The following PPP2R5C variants were observed in gnomAD, a reference collection of about 807,000 sequenced individuals.
PPP2R5C encodes protein phosphatase 2 regulatory subunit B'gamma.
Under a neutral mutation model 68.9 loss-of-function variants are expected in PPP2R5C, and 7 were observed. The observed-to-expected ratio is 0.10, with a 90% CI of 0.06 to 0.19. The LOEUF (loss-of-function observed/expected upper bound fraction) is 0.19, where lower values mean the gene tolerates loss of function less well. Ranked by LOEUF, PPP2R5C falls within the 10% of genes least tolerant of loss-of-function variation. The pLI is 1.00. For synonymous variants in PPP2R5C, 210 were observed against 222.2 expected (o/e 0.95, Z 0.49); for missense variants, 348 against 641.3 (o/e 0.54, Z 4.94).
intron 1 of PPP2R5C, among the ~76,000 whole-genome samples, chr14:101,832,128 C>G (rs2040784765): frequency 6.6e-6 from 1 of 152,188 alleles, no homozygotes; most frequent in Admixed American, 6.5e-5. Flanking sequence ...AAGTGATTTT[C>G]TTGCTCCTCA....
rs80195911 is a variant in PPP2R5C at position 101,840,409 on chromosome 14, G to A, written c.95-16277G>A. Among the ~76,000 whole-genome samples the A allele has an allele frequency of 3.7e-3, 517 of 141,324 alleles. 5 individuals carry two copies. The highest frequency in any genetic ancestry group is 0.013 in the African/African-American group (487 of 37,032). The allele number at this position is 141,324 out of a possible 152,430, so 92.7% of individuals were successfully genotyped here. On this transcript the variant is annotated intron_variant, in intron 1 of 13. Transcript: ENST00000334743. The stretch of plus-strand genomic sequence containing the variant: ...GCAGCCAGCGTCTCTTGCCTTTTTC[G>A]TCCGCTTGCTGCTTTCTGGTTTTTA...
intron 2 of PPP2R5C, 111 bp downstream of exon 2, chr14:101,763,081 GT>G (rs142105397): frequency 1.3e-3 from 1,001 of 777,106 alleles, no homozygotes; most frequent in South Asian, 1.6e-3. Context: ...CCTATGTGAG[GT>G]TTTTTTTTTG....
chr14:101,926,113 T>C (rs1227241583), exon 14 of PPP2R5C: 3 of 152,294 alleles, frequency 2.0e-5, no homozygotes, highest in Non-Finnish European at 4.4e-5. Flanking sequence ...TCAACAAGGC[T>C]CTTGAATTAA....
chr14:101,894,452 C>G, intron 7 of PPP2R5C, 55 bp from the exon 10 acceptor site: 1 of 1,529,748 alleles, frequency 6.5e-7, no homozygotes, highest in Admixed American at 1.7e-5. Flanking sequence ...CTAGAAGAAG[C>G]ACAGCAGCAT....
In PPP2R5C at chr14:101,913,286, T is replaced by G. The variant is rs2046490412; in HGVS notation, c.1326+813T>G. 6.6e-6 allele frequency among the ~76,000 whole-genome samples: 1 copy of G among 152,244 alleles called. No individual in the cohort carries two copies. Among genetic ancestry groups the G allele is most frequent in the Admixed American group, 6.5e-5 (1 of 15,284 alleles). ...TTCCTTCAACTCTCCAGAAAAGATT[T>G]TACCGAACAATGTATTTCTTTTAGT... On this transcript the variant is annotated intron_variant, in intron 12 of 13. Transcript: ENST00000334743. This position sits in a 1 kb window ranked among gnomAD's most constrained non-coding sequence, Gnocchi z 4.1.
intron 2 of PPP2R5C, among the ~76,000 whole-genome samples, chr14:101,768,565 A>G (rs1249187654): frequency 1.3e-5 from 2 of 152,038 alleles, no homozygotes; most frequent in Non-Finnish European, 2.9e-5. Flanking sequence ...GTTTTTGCTA[A>G]TCTGTTTAAC....
At chr14:101,785,170 AG>A (rs1002973411) in intron 2 of PPP2R5C, among the ~76,000 whole-genome samples, 1 of 152,278 alleles carries the variant, frequency 6.6e-6, no homozygotes, top group Non-Finnish European at 1.5e-5. Flanking sequence ...CTGGGGCTCA[AG>A]GGGAGGCACT....
intron 2 of PPP2R5C, 63 bp downstream of exon 2, chr14:101,763,033 C>T: frequency 7.2e-7 from 1 of 1,386,186 alleles, no homozygotes; most frequent in Non-Finnish European, 1.0e-6. Flanking sequence ...GGTAGAAAAA[C>T]CGAGAGTGAT....
exon 14 of PPP2R5C, chr14:101,925,357 C>T: frequency 6.5e-7 from 1 of 1,532,794 alleles, no homozygotes; most frequent in Non-Finnish European, 8.8e-7. Flanking sequence ...CCATACCAAT[C>T]AGTTACACTC....
At chr14:101,922,094 G>C (rs2047037439) in intron 13 of PPP2R5C, 1 of 985,358 alleles carries the variant, frequency 1.0e-6, no homozygotes, top group Non-Finnish European at 1.2e-6. Flanking sequence ...TTGAAGGCCT[G>C]TTCTCCAGGA....
rs186448926 is a variant in PPP2R5C, at chr14:101,843,207, G to A, written c.95-13479G>A. 2.0e-5 allele frequency among the ~76,000 whole-genome samples: 3 copies of A among 152,276 alleles called. No homozygotes were observed. In the East Asian group the frequency reaches 5.8e-4, roughly 29 times the overall value. The stretch of plus-strand genomic sequence containing the variant: ...CACACCACTGCACTCCCGCCTGGGT[G>A]ACAGAGCAAGACCCTATCTAAAACA... On this transcript the variant is annotated intron_variant, in intron 1 of 13. Coordinates refer to ENST00000334743, the Ensembl canonical transcript of PPP2R5C.
chr14:101,781,416 C>T lies in PPP2R5C; in HGVS notation c.94-4602C>T, dbSNP rs1190304808. ...CTAGGCTGCCAAGGCGCGCTGTGCG[C>T]GTGGGGCCAGGCTCGACCTCACTCC... On this transcript the variant is annotated intron_variant, in intron 2 of 14. Transcript: ENST00000328724. This position sits in a 1 kb window ranked among gnomAD's most constrained non-coding sequence, Gnocchi z 6.4. 1.3e-5 allele frequency among the ~76,000 whole-genome samples: 2 copies of T among 152,290 alleles called. No individual in the cohort carries two copies. Among genetic ancestry groups the T allele is most frequent in the East Asian group, 1.9e-4 (1 of 5,164 alleles).
chr14:101,887,259 C>T lies in PPP2R5C; in HGVS notation c.630-2978C>T, dbSNP rs570352191. ...AGGCTGGGCGGGCAGGGCAGTGTGC[C>T]GTTCCTTCTCTTGCTGCATAACCAG... is the stretch of plus-strand genomic sequence containing the variant. On this transcript the variant is annotated intron_variant, in intron 5 of 13. Coordinates refer to ENST00000334743, the Ensembl canonical transcript of PPP2R5C. Among the ~76,000 whole-genome samples the T allele has an allele frequency of 8.5e-5, 13 of 152,310 alleles. No homozygotes were observed. The South Asian group carries it at 1.5e-3, about 17-fold the overall frequency.
At chr14:101,871,236 TG>T (rs199790196) in intron 2 of PPP2R5C, among the ~76,000 whole-genome samples, 32,187 of 151,060 alleles carry the variant, frequency 0.21, 4,760 homozygotes, top group African/African-American at 0.41. Flanking sequence ...TTTTTGTTGT[TG>T]TTGTTGTTGT....
intron 6 of PPP2R5C, among the ~76,000 whole-genome samples, chr14:101,890,662 G>A (rs189649863): frequency 6.0e-5 from 9 of 151,118 alleles, no homozygotes; most frequent in Admixed American, 5.3e-4. Flanking sequence ...TCATGTAAAT[G>A]CTAATATTTT....
intron 2 of PPP2R5C, among the ~76,000 whole-genome samples, chr14:101,866,670 A>C (rs1245782816): frequency 1.3e-5 from 2 of 152,148 alleles, no homozygotes; most frequent in Admixed American, 6.5e-5. Flanking sequence ...ACTCCGTCTC[A>C]AAAAAATAAA....
chr14:101,889,305 C>G (rs768085617), intron 5 of PPP2R5C, among the ~76,000 whole-genome samples: 2 of 152,162 alleles, frequency 1.3e-5, no homozygotes, highest in Non-Finnish European at 2.9e-5. Context: ...GCAGGATACC[C>G]CTCGTGGACT....
chr14:101,872,779 T>G (rs1173841257), intron 2 of PPP2R5C, among the ~76,000 whole-genome samples: 2 of 152,146 alleles, frequency 1.3e-5, no homozygotes, highest in Non-Finnish European at 2.9e-5. Flanking sequence ...TGCCTGTGTT[T>G]AGAGTTTGTT....
At chr14:101,889,873 A>G in intron 5 of PPP2R5C, 1 of 418,212 alleles carries the variant, frequency 2.4e-6, no homozygotes, top group Non-Finnish European at 4.7e-6. Flanking sequence ...AACGAGTAAA[A>G]GATGGATGAA....
Sources: gnomAD v4.1 joint callset for allele counts (sites outside exome capture counted in the v4.1 genomes callset) on GRCh38, gnomAD v4.1.1 for gene constraint, Gnocchi (gnomAD v3.1) non-coding constraint, MANE v1.5 for transcripts, NCBI Gene and HGNC (gene_info 2026-07-23, HGNC 2026-07-21) for gene names.